The following CIT variants were observed in gnomAD, a reference collection of about 807,000 sequenced individuals.
CIT encodes citron rho-interacting serine/threonine kinase.
A neutral mutation model predicts 272.7 loss-of-function variants in CIT; 79 were observed. That is an observed-to-expected ratio of 0.29 (90% CI 0.24 to 0.35). The LOEUF (loss-of-function observed/expected upper bound fraction) is 0.35. Ranked by LOEUF, CIT falls within the 10% of genes least tolerant of loss-of-function variation. The probability of loss-of-function intolerance (pLI) is 1.00; values close to 1 mark genes in which losing one functional copy is unlikely to be tolerated. For missense variants in CIT, 1,909 were observed against 2,618.3 expected, an observed-to-expected ratio of 0.73 and a Z score of 5.91; for synonymous variants, 948 against 995.6, an observed-to-expected ratio of 0.95 and a Z score of 0.90.
At chr12:119,816,932 C>T (rs559526623) in intron 9 of CIT, among the ~76,000 whole-genome samples, 2 of 152,312 alleles carry the variant, frequency 1.3e-5, no homozygotes, top group Non-Finnish European at 2.9e-5. Flanking sequence ...CAACATCCTG[C>T]AATTCACACA....
At position 119,690,554 on chromosome 12, in the gene CIT, A is replaced by T. The variant is rs1565889699; in HGVS notation, c.5883-100T>A. 1.8e-6 allele frequency: 2 copies of T among 1,130,352 alleles called. No homozygotes were observed. Among genetic ancestry groups the T allele is most frequent in the Non-Finnish European group, 2.4e-6 (2 of 823,000 alleles). 70.0% of individuals were successfully genotyped at this position (1,130,352 alleles called of 1,614,324 possible). ...ACCCCCTCCTTGACCCAGCCTCACCACTGATTATCAAGAGATTAGACCTGG... is the reference window on the plus strand; with the variant it reads ...ACCCCCTCCTTGACCCAGCCTCACCTCTGATTATCAAGAGATTAGACCTGG... On this transcript the variant is annotated intron_variant, in intron 46 of 47. Coordinates refer to ENST00000392521, the MANE Select transcript of CIT (RefSeq NM_001206999.2). The surrounding 1 kb of genome is among the most constrained non-coding windows in gnomAD (Gnocchi z 6.0).
At chr12:119,834,542 G>A (rs904069961) in intron 5 of CIT, among the ~76,000 whole-genome samples, 1 of 152,188 alleles carries the variant, frequency 6.6e-6, no homozygotes, top group African/African-American at 2.4e-5. Flanking sequence ...ACATTCCCTA[G>A]GATTAGGTAC....
rs1157467178 is a variant in CIT at position 119,862,808 on chromosome 12, T to TAAAAAAAAAAAAAAA, written c.239-5125_239-5111dup. Among the ~76,000 whole-genome samples the TAAAAAAAAAAAAAAA allele has an allele frequency of 6.8e-4, 7 of 10,250 alleles. 2 individuals carry two copies. Among genetic ancestry groups the TAAAAAAAAAAAAAAA allele is most frequent in the Non-Finnish European group, 7.5e-4 (4 of 5,320 alleles). The allele number at this position is 10,250 out of a possible 152,430, so 6.7% of individuals were successfully genotyped here. A position where few individuals can be genotyped will look rare whatever the true frequency, so the allele number is the denominator to read the frequency against. ...CTGGGTGACAGAGCAAGACTCTACC[T>TAAAAAAAAAAAAAAA]AAAAAAAAAAAAAAAAAAAAAAAAA... On this transcript the variant is annotated intron_variant, in intron 3 of 47. Coordinates refer to ENST00000392521, the MANE Select transcript of CIT (RefSeq NM_001206999.2).
intron 28 of CIT, among the ~76,000 whole-genome samples, chr12:119,722,596 C>T (rs1326069337): frequency 6.6e-6 from 1 of 152,198 alleles, no homozygotes; most frequent in African/African-American, 2.4e-5. Flanking sequence ...ATGCTGGATT[C>T]TTACAGACCC....
At chr12:119,702,656 C>T (rs2136995220) in intron 41 of CIT, among the ~76,000 whole-genome samples, 1 of 151,356 alleles carries the variant, frequency 6.6e-6, no homozygotes, top group Admixed American at 6.6e-5. Flanking sequence ...CATTGCACTA[C>T]AGCCTGGGCG....
intron 3 of CIT, among the ~76,000 whole-genome samples, chr12:119,866,155 G>A (rs1950509018): frequency 6.6e-6 from 1 of 152,070 alleles, no homozygotes. Flanking sequence ...CCCTGGGGTT[G>A]TATTAATCTA....
chr12:119,767,788 T>A (rs531461363), intron 18 of CIT, among the ~76,000 whole-genome samples: 1 of 152,178 alleles, frequency 6.6e-6, no homozygotes, highest in African/African-American at 2.4e-5. Context: ...AAGACAAACA[T>A]ATAATACACT....
In CIT at chr12:119,784,403, C is replaced by G. The variant is rs117074838; in HGVS notation, c.1402-352G>C. 0.042 allele frequency: 51,574 copies of G among 1,225,160 alleles called. 1,322 individuals carry two copies. The highest frequency in any genetic ancestry group is 0.049 in the Non-Finnish European group (47,340 of 964,334). 75.9% of individuals were successfully genotyped at this position (1,225,160 alleles called of 1,614,324 possible). A position where few individuals can be genotyped will look rare whatever the true frequency, so the allele number is the denominator to read the frequency against. On this transcript the variant is annotated intron_variant, in intron 11 of 47. Coordinates refer to ENST00000392521, the MANE Select transcript of CIT (RefSeq NM_001206999.2). This position sits in a 1 kb window ranked among gnomAD's most constrained non-coding sequence, Gnocchi z 4.7. The stretch of plus-strand genomic sequence containing the variant: ...TTTTATCCCAAATCCATCTTGATCC[C>G]CCCCCATCTCCTTGCAAAGATCTAG...
chr12:119,713,736 T>C lies in CIT; in HGVS notation c.4307-88A>G. ...CTGCCAGCCAACGCCTGGGCTTCTC[T>C]ACCCCAGCCGGGCCCAGAGAGTCTG... is the stretch of plus-strand genomic sequence containing the variant. On this transcript the variant is annotated intron_variant, in intron 33 of 47. Transcript: ENST00000392521. The surrounding 1 kb of genome is among the most constrained non-coding windows in gnomAD (Gnocchi z 5.2). The C allele has an allele frequency of 1.4e-6, 2 of 1,413,436 alleles. No individual in the cohort carries two copies. The highest frequency in any genetic ancestry group is 2.4e-5 in the South Asian group (2 of 84,744). 87.6% of individuals were successfully genotyped at this position (1,413,436 alleles called of 1,614,324 possible). A position where few individuals can be genotyped will look rare whatever the true frequency, so the allele number is the denominator to read the frequency against.
Position 119,803,405 on chromosome 12 carries a change from CAAGA to C in CIT, c.1112-20_1112-17del. 5 of 1,525,842 alleles carry C rather than the reference CAAGA, an allele frequency of 3.3e-6. No homozygotes were observed. Among genetic ancestry groups the C allele is most frequent in the Non-Finnish European group, 4.4e-6 (5 of 1,138,542 alleles). The allele number at this position is 1,525,842 out of a possible 1,614,324, so 94.5% of individuals were successfully genotyped here. ...GGGGGAGGAGCTGGTTAAAGAAAAA[CAAGA>C]AAGGAGGCGGGGAGGAAAAAAAATT... is the stretch of plus-strand genomic sequence containing the variant. On this transcript the variant is annotated splice_polypyrimidine_tract_variant and intron_variant, in intron 9 of 47. Coordinates refer to ENST00000392521, the MANE Select transcript of CIT (RefSeq NM_001206999.2).
At chr12:119,854,271 G>T (rs184362610) in intron 4 of CIT, among the ~76,000 whole-genome samples, 1 of 151,140 alleles carries the variant, frequency 6.6e-6, no homozygotes. Context: ...CAAGTGATCC[G>T]CCCTGCTTGG....
At position 119,735,334 on chromosome 12, in the gene CIT, C is replaced by T. The variant is rs1958693853; in HGVS notation, c.2982G>A (p.Gln994=). The T allele has an allele frequency of 1.4e-5, 23 of 1,614,104 alleles. No individual in the cohort carries two copies. The highest frequency in any genetic ancestry group is 1.9e-5 in the Non-Finnish European group (23 of 1,180,044). The change falls in exon 25 of 48, where the codon CAG becomes CAA. Residue 994 remains glutamine (Q), a synonymous_variant. Transcript: ENST00000392521. ...CGTTGTCCTCGGTCAGCTGGTTTAGCTGCTCCTCCAGGTCTGTGATTACCT... is the reference window on the plus strand; with the variant it reads ...CGTTGTCCTCGGTCAGCTGGTTTAGTTGCTCCTCCAGGTCTGTGATTACCT... ...SCTVITDLEE[Q]LNQLTEDNAE...
intron 19 of CIT, among the ~76,000 whole-genome samples, chr12:119,763,430 T>C (rs1277955307): frequency 6.6e-6 from 1 of 152,132 alleles, no homozygotes; most frequent in African/African-American, 2.4e-5. Context: ...CGTCTCACTT[T>C]GTTACACAGA....
Position 119,770,944 on chromosome 12 carries a change from G to A in CIT, c.2083-34C>T. 1 of 1,611,544 alleles carries A rather than the reference G, an allele frequency of 6.2e-7. No individual in the cohort carries two copies. The highest frequency in any genetic ancestry group is 8.5e-7 in the Non-Finnish European group (1 of 1,179,286). ...CATGAATCAATCAGAGAGTTTTAAT[G>A]GAGTAACCGCTATGGGCATAACACC... On this transcript the variant is annotated intron_variant, in intron 17 of 47. Coordinates refer to ENST00000392521, the MANE Select transcript of CIT (RefSeq NM_001206999.2). This position sits in a 1 kb window ranked among gnomAD's most constrained non-coding sequence, Gnocchi z 4.4.
chr12:119,785,041 G>A lies in CIT; in HGVS notation c.1320C>T (p.Ser440=). 1 of 1,614,196 alleles carries A rather than the reference G, an allele frequency of 6.2e-7. No individual in the cohort carries two copies. Among genetic ancestry groups the A allele is most frequent in the South Asian group, 1.1e-5 (1 of 91,088 alleles). ...RSESVVSGLD[S]PAKTSSMEKK... is the part of the protein sequence containing the mutation. ...TTTCCATGGAGCTAGTCTTGGCAGG[G>A]GAGTCCAGACCCGACACAACAGACC... Residue 440 remains serine (S), a synonymous_variant, in exon 11 of 48, where the codon TCC becomes TCT. Transcript: ENST00000392521.
chr12:119,828,380 C>A (rs1968334338), intron 7 of CIT, among the ~76,000 whole-genome samples: 1 of 152,056 alleles, frequency 6.6e-6, no homozygotes, highest in Non-Finnish European at 1.5e-5. Flanking sequence ...GACCCCCAAG[C>A]ACATTAAACC....
At chr12:119,698,221 C>T in intron 44 of CIT, 167 bp from the exon 45 acceptor site, 1 of 659,120 alleles carries the variant, frequency 1.5e-6, no homozygotes, top group Non-Finnish European at 2.7e-6. Flanking sequence ...CGAGGATATT[C>T]ACTGCCGTGT....
Position 119,734,154 on chromosome 12 carries a change from A to G in CIT, c.3350+10T>C. On this transcript the variant is annotated intron_variant, in intron 26 of 47. Coordinates refer to ENST00000392521, the MANE Select transcript of CIT (RefSeq NM_001206999.2). The stretch of plus-strand genomic sequence containing the variant: ...CCTGTCATGAGCTTTCCACAAACAC[A>G]AAGCCCCACCTGCTCTGTTTCTCGG... 6.2e-7 allele frequency: 1 copy of G among 1,610,066 alleles called. No individual in the cohort carries two copies. The highest frequency in any genetic ancestry group is 8.5e-7 in the Non-Finnish European group (1 of 1,179,228).
At chr12:119,717,926 C>T (rs11064884) in intron 32 of CIT, among the ~76,000 whole-genome samples, 67,080 of 144,226 alleles carry the variant, frequency 0.47, 16,060 homozygotes, top group Admixed American at 0.56. Context: ...CCGCAACCTC[C>T]GCCTCCCGGA....
Sources: gnomAD v4.1 joint callset for allele counts (sites outside exome capture counted in the v4.1 genomes callset) on GRCh38, gnomAD v4.1.1 for gene constraint, Gnocchi (gnomAD v3.1) non-coding constraint, MANE v1.5 for transcripts, NCBI Gene and HGNC (gene_info 2026-07-23, HGNC 2026-07-21) for gene names.